PRKCE: variants seen among roughly 807,000 people sequenced by gnomAD.
PRKCE encodes protein kinase C epsilon type.
PRKCE carries 16 observed loss-of-function variants against 85.4 expected under a neutral mutation model. The observed-to-expected ratio is 0.19, with a 90% CI of 0.13 to 0.28. The LOEUF is 0.28. Ranked by LOEUF, PRKCE falls within the 10% of genes least tolerant of loss-of-function variation. PRKCE has a pLI of 1.00. For missense variants in PRKCE, 573 were observed against 975.2 expected, an observed-to-expected ratio of 0.59 and a Z score of 5.49; for synonymous variants, 388 against 371.5, an observed-to-expected ratio of 1.04 and a Z score of -0.51.
At chr2:45,694,719 G>A (rs1678003973) in intron 1 of PRKCE, among the ~76,000 whole-genome samples, 1 of 152,244 alleles carries the variant, frequency 6.6e-6, no homozygotes, top group Non-Finnish European at 1.5e-5. Context: ...ACATGGAATA[G>A]CATCTTGGGT....
At chr2:45,770,209 C>T (rs73926069) in intron 1 of PRKCE, among the ~76,000 whole-genome samples, 61 of 152,266 alleles carry the variant, frequency 4.0e-4, no homozygotes, top group African/African-American at 1.2e-3. Context: ...CCCTCCTGTC[C>T]GGGGAGTTGC....
At chr2:45,765,442 G>C (rs748131118) in intron 1 of PRKCE, among the ~76,000 whole-genome samples, 2 of 152,216 alleles carry the variant, frequency 1.3e-5, no homozygotes, top group African/African-American at 2.4e-5. Context: ...TGAAGCTGTA[G>C]AGTAACCATC....
chr2:46,087,689 TCA>T (rs60019142), intron 11 of PRKCE, among the ~76,000 whole-genome samples: 23,326 of 152,176 alleles, frequency 0.15, 2,967 homozygotes, highest in African/African-American at 0.35. Flanking sequence ...ATCCATTATC[TCA>T]CAGTTTCCAT....
intron 1 of PRKCE, among the ~76,000 whole-genome samples, chr2:45,776,162 G>T (rs1019786716): frequency 2.6e-4 from 39 of 152,216 alleles, no homozygotes; most frequent in Non-Finnish European, 5.3e-4. Flanking sequence ...AAGAGATTTA[G>T]AATTCTGCCT....
At chr2:45,678,838 GATAC>G (rs1346685032) in intron 1 of PRKCE, among the ~76,000 whole-genome samples, 1 of 152,106 alleles carries the variant, frequency 6.6e-6, no homozygotes, top group African/African-American at 2.4e-5. Flanking sequence ...ATAATGAAGA[GATAC>G]ATACTCATTT....
intron 2 of PRKCE, among the ~76,000 whole-genome samples, chr2:45,859,456 A>G (rs543429572): frequency 1.5e-4 from 23 of 152,268 alleles, no homozygotes; most frequent in South Asian, 8.3e-4. Context: ...GCAATATCCA[A>G]TTGTTTTTTA....
At chr2:45,894,998 C>T (rs760653162) in intron 2 of PRKCE, among the ~76,000 whole-genome samples, 1 of 152,342 alleles carries the variant, frequency 6.6e-6, no homozygotes, top group East Asian at 1.9e-4. Flanking sequence ...GCTGGGATTA[C>T]AGGCATCAGC....
intron 10 of PRKCE, among the ~76,000 whole-genome samples, chr2:46,012,098 C>T (rs1368608013): frequency 6.6e-6 from 1 of 152,140 alleles, no homozygotes; most frequent in Non-Finnish European, 1.5e-5. Context: ...AATAGAGACT[C>T]AGTGATGGAG....
intron 1 of PRKCE, among the ~76,000 whole-genome samples, chr2:45,701,781 C>T (rs1437805189): frequency 6.6e-6 from 1 of 152,210 alleles, no homozygotes; most frequent in Non-Finnish European, 1.5e-5. Context: ...GATAAAGCCT[C>T]ACCTATTACA....
chr2:46,031,827 T>C (rs985435514), intron 10 of PRKCE, among the ~76,000 whole-genome samples: 1 of 152,168 alleles, frequency 6.6e-6, no homozygotes, highest in Non-Finnish European at 1.5e-5. Context: ...TAGAGAATCC[T>C]GAATATCCCA....
At chr2:46,045,424 C>G (rs139402122) in intron 10 of PRKCE, among the ~76,000 whole-genome samples, 87 of 152,346 alleles carry the variant, frequency 5.7e-4, no homozygotes, top group African/African-American at 2.0e-3. Flanking sequence ...TCCCTCAGTC[C>G]TACCTAAGAC....
intron 10 of PRKCE, among the ~76,000 whole-genome samples, chr2:46,073,132 CAA>C (rs1668221332): frequency 6.6e-6 from 1 of 152,316 alleles, no homozygotes; most frequent in South Asian, 2.1e-4. Flanking sequence ...TCTCAGTGAA[CAA>C]AGAGTATTTC....
intron 2 of PRKCE, among the ~76,000 whole-genome samples, chr2:45,892,616 C>A (rs1695816184): frequency 6.6e-6 from 1 of 152,100 alleles, no homozygotes; most frequent in South Asian, 2.1e-4. Context: ...TTGTATGCTT[C>A]CCAGGTGTAC....
At chr2:45,834,551 A>C (rs1013134088) in intron 1 of PRKCE, among the ~76,000 whole-genome samples, 1 of 151,978 alleles carries the variant, frequency 6.6e-6, no homozygotes, top group Non-Finnish European at 1.5e-5. Context: ...CTCCTTCTGG[A>C]GATAAGGACG....
At chr2:45,681,288 C>CAAAAAAAA (rs10532828) in intron 1 of PRKCE, among the ~76,000 whole-genome samples, 13 of 61,780 alleles carry the variant, frequency 2.1e-4, no homozygotes, top group East Asian at 6.9e-4. Flanking sequence ...GACTCTGTCT[C>CAAAAAAAA]AAAAAAAAAA....
At chr2:46,059,775 C>T (rs1666936969) in intron 10 of PRKCE, among the ~76,000 whole-genome samples, 1 of 152,130 alleles carries the variant, frequency 6.6e-6, no homozygotes, top group Non-Finnish European at 1.5e-5. Context: ...TGAATAGCCG[C>T]TACACTCCAG....
At chr2:45,864,286 C>T (rs374782606) in intron 2 of PRKCE, among the ~76,000 whole-genome samples, 2 of 152,172 alleles carry the variant, frequency 1.3e-5, no homozygotes, top group South Asian at 2.1e-4. Context: ...TTTTAAGGGA[C>T]GAAGGTTCAT....
intron 1 of PRKCE, among the ~76,000 whole-genome samples, chr2:45,666,263 C>T (rs1318971424): frequency 6.6e-6 from 1 of 152,100 alleles, no homozygotes; most frequent in African/African-American, 2.4e-5. Flanking sequence ...CTTTATTAGT[C>T]TGGTTCCCTG....
chr2:46,021,462 A>G (rs908202769), intron 10 of PRKCE, among the ~76,000 whole-genome samples: 2 of 152,224 alleles, frequency 1.3e-5, no homozygotes, highest in Admixed American at 6.5e-5. Flanking sequence ...GAACTTCTGC[A>G]GGAAGCACTG....
Sources: gnomAD v4.1 joint callset for allele counts (sites outside exome capture counted in the v4.1 genomes callset) on GRCh38, gnomAD v4.1.1 for gene constraint, MANE v1.5 for transcripts, NCBI Gene and HGNC (gene_info 2026-07-23, HGNC 2026-07-21) for gene names.